The following FMN1 variants were observed in gnomAD, a reference collection of about 807,000 sequenced individuals.
The protein encoded by FMN1 is formin 1, also known as formin-1.
In FMN1, 110 loss-of-function variants were observed where a neutral mutation model predicts 132.4. The ratio of observed to expected loss-of-function variants is 0.83; its 90% CI spans 0.71 to 0.97. FMN1 has a LOEUF of 0.97. Among genes scored for constraint, FMN1 ranks in the 50% least tolerant of loss-of-function variants. The pLI is 0.00. For missense variants in FMN1, 1,792 were observed against 1,705.3 expected (o/e 1.05, Z -0.90); for synonymous variants, 722 against 651.7 (o/e 1.11, Z -1.64).
At chr15:32,780,783 C>A (rs1213072205) in intron 19 of FMN1, among the ~76,000 whole-genome samples, 1 of 152,122 alleles carries the variant, frequency 6.6e-6, no homozygotes, top group African/African-American at 2.4e-5. Flanking sequence ...CCTGTATCAG[C>A]AGTACAGCTC....
At chr15:32,808,870 GGTT>G (rs1448672440) in intron 17 of FMN1, among the ~76,000 whole-genome samples, 11 of 149,796 alleles carry the variant, frequency 7.3e-5, no homozygotes, top group African/African-American at 9.8e-5. Context: ...CAAGAATTTT[GGTT>G]GTTATCATTT....
At chr15:33,118,916 C>CA (rs200093287) in intron 4 of FMN1, among the ~76,000 whole-genome samples, 7,369 of 93,640 alleles carry the variant, frequency 0.079, 507 homozygotes, top group African/African-American at 0.23. Context: ...CCTTCCTTTA[C>CA]AAAAAAAAAA....
At chr15:33,075,020 C>CAAAAAAAAAAAAAAAAAAAAAA (rs57504432) in intron 5 of FMN1, among the ~76,000 whole-genome samples, 2 of 61,662 alleles carry the variant, frequency 3.2e-5, no homozygotes, top group African/African-American at 8.4e-5. Flanking sequence ...GATTCCATCT[C>CAAAAAAAAAAAAAAAAAAAAAA]AAAAAAAAAA....
chr15:32,863,593 C>A (rs1337813179), intron 16 of FMN1, among the ~76,000 whole-genome samples: 2 of 152,160 alleles, frequency 1.3e-5, no homozygotes, highest in Non-Finnish European at 2.9e-5. Flanking sequence ...GTGAATGGGT[C>A]ACCAACTAAG....
intron 19 of FMN1, among the ~76,000 whole-genome samples, chr15:32,794,701 G>A (rs1365264627): frequency 6.6e-6 from 1 of 152,200 alleles, no homozygotes; most frequent in Non-Finnish European, 1.5e-5. Flanking sequence ...GAAGAAACAT[G>A]TGTACCAAAA....
chr15:33,153,070 C>T lies in FMN1; in HGVS notation c.1845G>A (p.Glu615=). 1 of 1,530,850 alleles carries T rather than the reference C, an allele frequency of 6.5e-7. No individual in the cohort carries two copies. The highest frequency in any genetic ancestry group is 8.7e-7 in the Non-Finnish European group (1 of 1,144,706). 94.8% of individuals were successfully genotyped at this position (1,530,850 alleles called of 1,614,324 possible). ...KSLGPGKTTA[E]PQHQSPPGIS... The stretch of plus-strand genomic sequence containing the variant: ...AACCTGGAGGTGACTGGTGCTGGGG[C>T]TCAGCTGTGGTCTTCCCTGGCCCCA... The change falls in exon 4 of 21, where the codon GAG becomes GAA. Residue 615 remains glutamate (E), a synonymous_variant. Transcript: ENST00000616417.
intron 17 of FMN1, among the ~76,000 whole-genome samples, chr15:32,854,930 AAAC>A (rs1230387039): frequency 1.3e-5 from 2 of 151,812 alleles, no homozygotes; most frequent in Admixed American, 6.6e-5. Context: ...AAAAAACAAA[AAAC>A]AAACAAAAAA....
chr15:32,956,855 A>G (rs2061780517), intron 9 of FMN1, among the ~76,000 whole-genome samples: 1 of 152,214 alleles, frequency 6.6e-6, no homozygotes. Context: ...ATTTATGTTC[A>G]GGCTTCCAAA....
intron 19 of FMN1, among the ~76,000 whole-genome samples, chr15:32,783,368 G>GTCTCC: frequency 6.6e-6 from 1 of 152,128 alleles, no homozygotes; most frequent in Non-Finnish European, 1.5e-5. Context: ...TGCTGCCAAA[G>GTCTCC]ACTACTGAGG....
chr15:33,173,710 C>T (rs145623716), intron 3 of FMN1, among the ~76,000 whole-genome samples: 6,763 of 152,304 alleles, frequency 0.044, 208 homozygotes, highest in Middle Eastern at 0.075. Context: ...GGGCGGATCA[C>T]CTGAGGTCAG....
At chr15:33,168,151 T>C (rs1235408006) in intron 3 of FMN1, among the ~76,000 whole-genome samples, 2 of 152,190 alleles carry the variant, frequency 1.3e-5, no homozygotes, top group East Asian at 3.9e-4. Flanking sequence ...CACAGAGTTA[T>C]TCAGTCACAG....
chr15:33,106,629 C>T (rs1296786162), intron 4 of FMN1, among the ~76,000 whole-genome samples: 1 of 152,068 alleles, frequency 6.6e-6, no homozygotes, highest in African/African-American at 2.4e-5. Flanking sequence ...TTGCTGGCTC[C>T]TCATCCTTCT....
At chr15:33,055,654 C>A (rs991435297) in intron 6 of FMN1, among the ~76,000 whole-genome samples, 3 of 151,348 alleles carry the variant, frequency 2.0e-5, no homozygotes, top group Non-Finnish European at 4.4e-5. Context: ...TATTGCAGGT[C>A]TAAATGACAA....
At chr15:33,013,034 G>T in intron 6 of FMN1, 1 of 410,752 alleles carries the variant, frequency 2.4e-6, no homozygotes. Flanking sequence ...GGCTATAGGG[G>T]TAGCACTAGC....
chr15:32,945,593 G>A (rs759462204), intron 9 of FMN1, among the ~76,000 whole-genome samples: 3 of 152,054 alleles, frequency 2.0e-5, no homozygotes, highest in Non-Finnish European at 2.9e-5. Context: ...TAATAATTAC[G>A]CCAAGCTGGT....
intron 3 of FMN1, among the ~76,000 whole-genome samples, chr15:33,170,398 C>G (rs557632231): frequency 1.8e-4 from 28 of 151,988 alleles, no homozygotes; most frequent in African/African-American, 6.3e-4. Flanking sequence ...GCAACAAAAC[C>G]AAAAATAGAC....
chr15:33,014,180 A>G (rs543999100), intron 6 of FMN1, among the ~76,000 whole-genome samples: 1 of 152,362 alleles, frequency 6.6e-6, no homozygotes, highest in East Asian at 1.9e-4. Context: ...GAGAGTTCAC[A>G]AGAGAGTAGT....
Position 32,769,991 on chromosome 15 carries a change from GAC to G in FMN1, c.*4317_*4318del, listed in dbSNP as rs947540892. 2.4e-4 allele frequency: 36 copies of G among 152,134 alleles called. No individual in the cohort carries two copies. Among genetic ancestry groups the G allele is most frequent in the Admixed American group, 2.4e-3 (36 of 15,280 alleles). 9.4% of individuals were successfully genotyped at this position (152,134 alleles called of 1,614,324 possible). A position where few individuals can be genotyped will look rare whatever the true frequency, so the allele number is the denominator to read the frequency against. ...CTGATGCTTGTTAGCAATTTAAAAA[GAC>G]AATTTAAACTGTTTTATAAAATCAG... On this transcript the variant is annotated 3_prime_UTR_variant, in exon 21 of 21. Transcript: ENST00000616417.
In FMN1 at chr15:32,968,925, G is replaced by A. The variant is rs2031507454; in HGVS notation, c.2776C>T (p.Pro926Ser). The A allele has an allele frequency of 3.0e-6, 2 of 666,034 alleles. No homozygotes were observed. Among genetic ancestry groups the A allele is most frequent in the Non-Finnish European group, 5.0e-6 (2 of 403,148 alleles). The allele number at this position is 666,034 out of a possible 1,614,324, so 41.3% of individuals were successfully genotyped here. Residue 926 changes from proline (P) to serine (S), a missense_variant, in exon 8 of 21, where the codon CCC becomes TCC. Physicochemically the swap from Pro to Ser is moderately conservative, Grantham distance 74. This residue lies in a region of FMN1 where 1,150 missense variants were observed against 1,043.1 expected (regional missense o/e 1.10). Transcript: ENST00000616417. Reference sequence around the variant, plus strand: ...GGGGAGTTAGGAAGTGGGGGTGGGGGTGGGGGTGGTGGAGGTCCAGCACTT... The same window carrying A: ...GGGGAGTTAGGAAGTGGGGGTGGGGATGGGGGTGGTGGAGGTCCAGCACTT... ...PSSAGPPPPPPPPPLPNSPAP... is the reference protein window; with the variant it reads ...PSSAGPPPPPSPPPLPNSPAP...
Sources: gnomAD v4.1 joint callset for allele counts (sites outside exome capture counted in the v4.1 genomes callset) on GRCh38, gnomAD v4.1.1 for gene constraint, gnomAD v4.1.1 regional missense constraint, MANE v1.5 for transcripts, NCBI Gene and HGNC (gene_info 2026-07-23, HGNC 2026-07-21) for gene names.